TWSG1: variants seen among roughly 807,000 people sequenced by gnomAD.
TWSG1 encodes the protein twisted gastrulation BMP signaling modulator 1, also known as twisted gastrulation protein homolog 1.
A neutral mutation model predicts 23.0 loss-of-function variants in TWSG1; 15 were observed. That is an observed-to-expected ratio of 0.65 (90% CI 0.44 to 1.00). The LOEUF (loss-of-function observed/expected upper bound fraction) is 1.00, where lower values mean the gene tolerates loss of function less well. TWSG1 is among the 50% of genes least tolerant of loss of function. The pLI is 0.00. For missense variants in TWSG1, 242 were observed against 278.7 expected, an observed-to-expected ratio of 0.87 and a Z score of 0.94; for synonymous variants, 86 against 92.8, an observed-to-expected ratio of 0.93 and a Z score of 0.42.
intron 3 of TWSG1, among the ~76,000 whole-genome samples, chr18:9,370,602 C>G (rs897897084): frequency 2.0e-5 from 3 of 152,102 alleles, no homozygotes; most frequent in Non-Finnish European, 4.4e-5. Flanking sequence ...GTCATTTAGG[C>G]CTATTCAGAG....
intron 3 of TWSG1, among the ~76,000 whole-genome samples, chr18:9,385,695 CAAAAAAAAAAAAAA>C (rs71168054): frequency 6.8e-5 from 2 of 29,556 alleles, no homozygotes; most frequent in East Asian, 6.3e-4. Flanking sequence ...GACTCCGTCT[CAAAAAAAAAAAAAA>C]AAAAAAAAAA....
rs2040743402 is a variant in TWSG1, at chr18:9,397,733, C to T, written c.490+1187C>T. ...TATATAAAACAGTGCGGGCTGGGTG[C>T]GGTGGCTCACGCCTGTAATCCCAGC... On this transcript the variant is annotated intron_variant, in intron 4 of 4. Coordinates refer to ENST00000262120, the MANE Select transcript of TWSG1 (RefSeq NM_020648.6). Among the ~76,000 whole-genome samples the T allele has an allele frequency of 2.0e-5, 3 of 152,158 alleles. No individual in the cohort carries two copies. The South Asian group carries it at 6.2e-4, about 32-fold the overall frequency.
intron 3 of TWSG1, among the ~76,000 whole-genome samples, chr18:9,372,437 A>G (rs907102548): frequency 2.0e-5 from 3 of 149,716 alleles, no homozygotes; most frequent in Admixed American, 2.0e-4. Context: ...TTCTCTCAAA[A>G]TATCTTAATA....
At chr18:9,380,422 A>C (rs2040651170) in intron 3 of TWSG1, among the ~76,000 whole-genome samples, 1 of 152,192 alleles carries the variant, frequency 6.6e-6, no homozygotes, top group African/African-American at 2.4e-5. Context: ...TCTAGATGTT[A>C]TACATTATTC....
chr18:9,355,434 T>C (rs2040522114), intron 2 of TWSG1, among the ~76,000 whole-genome samples: 1 of 151,368 alleles, frequency 6.6e-6, no homozygotes. Context: ...TTTAGAAACA[T>C]TCATCCTAAC....
chr18:9,386,131 T>C (rs944616846), intron 3 of TWSG1, among the ~76,000 whole-genome samples: 5 of 146,466 alleles, frequency 3.4e-5, no homozygotes, highest in Admixed American at 7.0e-5. Flanking sequence ...ATCGTGCCAC[T>C]GATGCCTGAG....
chr18:9,349,511 TAA>T (rs2040491956), intron 2 of TWSG1, among the ~76,000 whole-genome samples: 1 of 152,188 alleles, frequency 6.6e-6, no homozygotes, highest in Admixed American at 6.5e-5. Context: ...AAATAAATCT[TAA>T]GTTTTCTGAA....
At position 9,369,864 on chromosome 18, in the gene TWSG1, G is replaced by A. The variant is rs187423116; in HGVS notation, c.223+9793G>A. ...TCGTTACATATTTTTTATATTAACC[G>A]CTTATCAAATGTATGGTTTGCAAAT... On this transcript the variant is annotated intron_variant, in intron 3 of 4. Coordinates refer to ENST00000262120, the MANE Select transcript of TWSG1 (RefSeq NM_020648.6). Among the ~76,000 whole-genome samples the A allele has an allele frequency of 3.6e-3, 555 of 152,226 alleles. 4 individuals carry two copies. The highest frequency in any genetic ancestry group is 0.013 in the African/African-American group (533 of 41,536).
At chr18:9,363,783 A>T (rs1166725540) in intron 3 of TWSG1, among the ~76,000 whole-genome samples, 1 of 151,158 alleles carries the variant, frequency 6.6e-6, no homozygotes, top group Non-Finnish European at 1.5e-5. Context: ...ACGCCACCAT[A>T]TCTAGATACT....
intron 3 of TWSG1, among the ~76,000 whole-genome samples, chr18:9,389,063 A>C (rs1200483406): frequency 6.6e-6 from 1 of 151,686 alleles, no homozygotes; most frequent in Middle Eastern, 3.4e-3. Context: ...CGCAACCTCC[A>C]CCTCCCGGGT....
At chr18:9,354,067 A>T (rs1384168400) in intron 2 of TWSG1, among the ~76,000 whole-genome samples, 1 of 152,230 alleles carries the variant, frequency 6.6e-6, no homozygotes, top group Non-Finnish European at 1.5e-5. Context: ...CTAAGAGAGT[A>T]ATAACTGTAA....
chr18:9,361,731 T>C (rs1253185767), intron 3 of TWSG1, among the ~76,000 whole-genome samples: 1 of 152,248 alleles, frequency 6.6e-6, no homozygotes, highest in East Asian at 1.9e-4. Flanking sequence ...TTTTTTCCCA[T>C]ACTCATCTCT....
At chr18:9,342,031 T>C (rs2040448560) in intron 2 of TWSG1, among the ~76,000 whole-genome samples, 1 of 152,206 alleles carries the variant, frequency 6.6e-6, no homozygotes, top group Non-Finnish European at 1.5e-5. Flanking sequence ...GGGCTACTTT[T>C]GGAATTCTGA....
intron 3 of TWSG1, among the ~76,000 whole-genome samples, chr18:9,361,875 C>T (rs2040554278): frequency 6.6e-6 from 1 of 152,198 alleles, no homozygotes; most frequent in Admixed American, 6.5e-5. Flanking sequence ...ACAGAATAGG[C>T]TTGCCTCTGC....
chr18:9,367,184 G>A (rs541121123), intron 3 of TWSG1, among the ~76,000 whole-genome samples: 1 of 152,096 alleles, frequency 6.6e-6, no homozygotes, highest in South Asian at 2.1e-4. Context: ...CTCCCGCCTT[G>A]GCTTCCCAAA....
intron 3 of TWSG1, chr18:9,388,335 T>C (rs2040695307): frequency 6.6e-6 from 1 of 152,264 alleles, no homozygotes; most frequent in African/African-American, 2.4e-5. Context: ...TCAGAAGTAT[T>C]GTCCTTTGAC....
chr18:9,375,749 C>A (rs1464800938), intron 3 of TWSG1, among the ~76,000 whole-genome samples: 1 of 152,126 alleles, frequency 6.6e-6, no homozygotes, highest in Non-Finnish European at 1.5e-5. Flanking sequence ...TTAGCACCCC[C>A]AAATACTTAG....
intron 3 of TWSG1, among the ~76,000 whole-genome samples, chr18:9,381,223 C>G (rs538154894): frequency 1.2e-4 from 19 of 152,314 alleles, no homozygotes; most frequent in African/African-American, 4.6e-4. Flanking sequence ...ACTGCCAGCA[C>G]ATTTTGCCGT....
chr18:9,335,330 C>A (rs1209511647), intron 1 of TWSG1, among the ~76,000 whole-genome samples: 1 of 152,254 alleles, frequency 6.6e-6, no homozygotes, highest in Non-Finnish European at 1.5e-5. Flanking sequence ...GTGCCATCTC[C>A]CTTAACGAGA....
Sources: allele counts gnomAD v4.1 joint callset (sites outside exome capture counted in the v4.1 genomes callset), GRCh38; gene constraint gnomAD v4.1.1; transcripts MANE v1.5; gene names NCBI Gene and HGNC (gene_info 2026-07-23, HGNC 2026-07-21).